ZFR2: variants seen among roughly 807,000 people sequenced by gnomAD.
The protein encoded by ZFR2 is zinc finger RNA-binding protein 2.
In ZFR2, 104 loss-of-function variants were observed where a neutral mutation model predicts 105.7. That is an observed-to-expected ratio of 0.98 (90% confidence interval 0.84 to 1.16). The LOEUF (loss-of-function observed/expected upper bound fraction) is 1.16. Ranked by LOEUF, ZFR2 falls within the 50% of genes most tolerant of loss-of-function variation. The pLI is 0.00. For synonymous variants in ZFR2, 634 were observed against 597.7 expected (o/e 1.06, Z -0.89); for missense variants, 1,425 against 1,355.5 (o/e 1.05, Z -0.80).
intron 3 of ZFR2, 63 bp downstream of exon 3, chr19:3,833,601 A>C (rs975562083): frequency 1.8e-5 from 24 of 1,300,684 alleles, no homozygotes; most frequent in Non-Finnish European, 2.4e-5. Context: ...AAGTTTCCCA[A>C]GGTTTCCCTG....
Position 3,863,463 on chromosome 19 carries a change from T to TG in ZFR2, c.53+5501dup, listed in dbSNP as rs2038395435. 8.5e-5 allele frequency among the ~76,000 whole-genome samples: 13 copies of TG among 152,270 alleles called. No individual in the cohort carries two copies. The South Asian group carries it at 2.7e-3, about 32-fold the overall frequency. ...TGTTTTTTGAGACAGGGTCTCTCGC[T>TG]GTCGCCCAGGCTGCAGTGCAGTGGT... On this transcript the variant is annotated intron_variant, in intron 1 of 18. Transcript: ENST00000262961.
At chr19:3,868,555 T>A (rs2038461059) in intron 1 of ZFR2, among the ~76,000 whole-genome samples, 1 of 149,744 alleles carries the variant, frequency 6.7e-6, no homozygotes, top group Admixed American at 6.6e-5. Context: ...GTCAGTTCCG[T>A]CCCCTCCCCT....
At chr19:3,847,873 G>A (rs1001601207) in intron 1 of ZFR2, among the ~76,000 whole-genome samples, 1 of 152,178 alleles carries the variant, frequency 6.6e-6, no homozygotes, top group Non-Finnish European at 1.5e-5. Context: ...CTCCACTCCT[G>A]GAGCCGGGAC....
chr19:3,842,902 GGTGTAAGCCACC>G (rs1383371739), intron 1 of ZFR2, among the ~76,000 whole-genome samples: 1 of 152,060 alleles, frequency 6.6e-6, no homozygotes, highest in Non-Finnish European at 1.5e-5. Context: ...TGGGATTACA[GGTGTAAGCCACC>G]GTGCCTGGCC....
Position 3,813,353 on chromosome 19 carries a change from G to A in ZFR2, c.2242+467C>T, listed in dbSNP as rs1048753822. 3.9e-5 allele frequency among the ~76,000 whole-genome samples: 6 copies of A among 152,134 alleles called. No individual in the cohort carries two copies. The highest frequency in any genetic ancestry group is 7.3e-5 in the Non-Finnish European group (5 of 68,028). Reference sequence around the variant, plus strand: ...CCCGGCCCCTCACCCACCCTCCCAGGCCTGGCAGGTCTGGCTTTAAGACCC... The same window carrying A: ...CCCGGCCCCTCACCCACCCTCCCAGACCTGGCAGGTCTGGCTTTAAGACCC... On this transcript the variant is annotated intron_variant, in intron 14 of 18. Transcript: ENST00000262961. This position sits in a 1 kb window ranked among gnomAD's most constrained non-coding sequence, Gnocchi z 4.4.
chr19:3,828,194 G>C (rs916260623), intron 5 of ZFR2, among the ~76,000 whole-genome samples: 10 of 149,954 alleles, frequency 6.7e-5, no homozygotes, highest in Non-Finnish European at 3.0e-5. Context: ...ACCCAGGCTG[G>C]AGTGCAGTGG....
Position 3,821,362 on chromosome 19 carries a change from G to A in ZFR2, c.1609C>T (p.Arg537Trp), listed in dbSNP as rs576968295. 46 of 1,603,264 alleles carry A rather than the reference G, an allele frequency of 2.9e-5. No individual in the cohort carries two copies. In the South Asian group the frequency reaches 3.0e-4, roughly 10 times the overall value. ...HLAEERLEQL[R>W]RWHAERRRLE... ...CACCTCCTCTCCGCGTGCCAGCGCC[G>A]CAGCTGCTCCAGCCGCTCCTCCGCC... The change falls in exon 10 of 19, where the codon CGG becomes TGG. Residue 537 changes from arginine to tryptophan, a missense_variant. Arg to Trp is a moderately radical substitution (Grantham distance 101). Coordinates refer to ENST00000262961, the MANE Select transcript of ZFR2 (RefSeq NM_015174.2).
rs774055812 is a variant in ZFR2, at chr19:3,814,056, C to T, written c.2104-98G>A. On this transcript the variant is annotated intron_variant, in intron 13 of 18. Coordinates refer to ENST00000262961, the MANE Select transcript of ZFR2 (RefSeq NM_015174.2). ...GTTGGTGTGTGTAAATTAATCCCGT[C>T]GGGCCTCCCACACTTGCTGCCTGGG... 6.9e-5 allele frequency: 105 copies of T among 1,527,542 alleles called. No homozygotes were observed. The South Asian group carries it at 9.6e-4, about 14-fold the overall frequency. The allele number at this position is 1,527,542 out of a possible 1,614,324, so 94.6% of individuals were successfully genotyped here.
intron 3 of ZFR2, 105 bp downstream of exon 3, chr19:3,833,559 G>A (rs142024977): frequency 0.026 from 23,691 of 909,720 alleles, 411 homozygotes; most frequent in Non-Finnish European, 0.031. Context: ...CTGGGCAACA[G>A]AGCGAGACTC....
intron 18 of ZFR2, among the ~76,000 whole-genome samples, chr19:3,806,575 G>A (rs544136317): frequency 2.0e-5 from 3 of 152,286 alleles, no homozygotes; most frequent in East Asian, 1.9e-4. Context: ...CGCTTCTTAC[G>A]ACTGCGGAGC....
chr19:3,834,875 C>A lies in ZFR2; in HGVS notation c.162G>T (p.Pro54=). ...AVNPAFPPAA[P]AGYGGYQPHS... is the part of the protein sequence containing the mutation. ...GGGGCTGGTATCCACCGTACCCTGC[C>A]GGGGCAGCTGGGGGAAAGGCCGGGT... Residue 54 remains proline (P), a synonymous_variant, in exon 2 of 19, where the codon CCG becomes CCT. Coordinates refer to ENST00000262961, the MANE Select transcript of ZFR2 (RefSeq NM_015174.2). The surrounding 1 kb of genome is among the most constrained non-coding windows in gnomAD (Gnocchi z 5.3). 1 of 1,611,610 alleles carries A rather than the reference C, an allele frequency of 6.2e-7. No homozygotes were observed. The highest frequency in any genetic ancestry group is 1.1e-5 in the South Asian group (1 of 90,698).
intron 9 of ZFR2, 134 bp downstream of exon 9, chr19:3,821,947 A>G (rs1040905118): frequency 6.6e-6 from 9 of 1,354,226 alleles, no homozygotes; most frequent in Non-Finnish European, 8.8e-6. Context: ...GACGTTGAAA[A>G]CCCAGAAAAT....
At chr19:3,845,691 A>C (rs1468827930) in intron 1 of ZFR2, among the ~76,000 whole-genome samples, 1 of 151,542 alleles carries the variant, frequency 6.6e-6, no homozygotes, top group Non-Finnish European at 1.5e-5. Context: ...GCTACTCAGG[A>C]GGCTGAGGAA....
chr19:3,850,525 G>A (rs2038227197), intron 1 of ZFR2, among the ~76,000 whole-genome samples: 1 of 151,908 alleles, frequency 6.6e-6, no homozygotes. Context: ...CTTCAGGGAG[G>A]GAATGAAGGT....
chr19:3,831,764 C>T lies in ZFR2; in HGVS notation c.494G>A (p.Gly165Glu), dbSNP rs369034267. 8.9e-5 allele frequency: 143 copies of T among 1,610,392 alleles called. No individual in the cohort carries two copies. Among genetic ancestry groups the T allele is most frequent in the Admixed American group, 6.7e-5 (4 of 59,762 alleles). ...GCCTGTCGCCGTGGGGTAGGTGTAT[C>T]CCGAGGACAAGGTGCTCGCTGGCTG... ...SGQPASTLSSGYTYPTATGVQ... is the reference protein window; with the variant it reads ...SGQPASTLSSEYTYPTATGVQ... The change falls in exon 4 of 19, where the codon GGA (glycine) becomes GAA (glutamate). Residue 165 changes from glycine (G) to glutamate (E), a missense_variant. By Grantham distance (98) the Gly-to-Glu change is moderately conservative. Transcript: ENST00000262961.
At chr19:3,810,463 C>T (rs79276792) in intron 16 of ZFR2, among the ~76,000 whole-genome samples, 5,918 of 152,302 alleles carry the variant, frequency 0.039, 251 homozygotes, top group Admixed American at 0.13. Flanking sequence ...TGCCTGGGCC[C>T]CTCTGCCCCG....
rs1025890841 is a variant in ZFR2, at chr19:3,834,186, T to A, written c.265-408A>T. Among the ~76,000 whole-genome samples, 1 of 151,814 alleles carries A rather than the reference T, an allele frequency of 6.6e-6. No individual in the cohort carries two copies. The highest frequency in any genetic ancestry group is 1.5e-5 in the Non-Finnish European group (1 of 67,962). On this transcript the variant is annotated intron_variant, in intron 2 of 18. Coordinates refer to ENST00000262961, the MANE Select transcript of ZFR2 (RefSeq NM_015174.2). This position sits in a 1 kb window ranked among gnomAD's most constrained non-coding sequence, Gnocchi z 5.3. ...CCTCTGATGCCGTTGACCGACACAA[T>A]CTGGGGACGAGGTGCGGGTGGCAGA...
intron 16 of ZFR2, 121 bp downstream of exon 16, chr19:3,810,629 G>A: frequency 1.1e-6 from 1 of 939,522 alleles, no homozygotes; most frequent in Non-Finnish European, 1.5e-6. Flanking sequence ...CCTCTCCTGA[G>A]TACTAGGTCT....
intron 1 of ZFR2, among the ~76,000 whole-genome samples, chr19:3,856,805 A>C (rs1850352418): frequency 6.6e-6 from 1 of 152,008 alleles, no homozygotes; most frequent in Non-Finnish European, 1.5e-5. Flanking sequence ...ATCTCGGCTC[A>C]CTGCAACCTC....
Sources: gnomAD v4.1 joint callset for allele counts (sites outside exome capture counted in the v4.1 genomes callset) on GRCh38, gnomAD v4.1.1 for gene constraint, Gnocchi (gnomAD v3.1) non-coding constraint, MANE v1.5 for transcripts, NCBI Gene and HGNC (gene_info 2026-07-23, HGNC 2026-07-21) for gene names.